EIF2B3: variants seen among roughly 807,000 people sequenced by gnomAD.
The protein encoded by EIF2B3 is eukaryotic translation initiation factor 2B subunit gamma, also known as translation initiation factor eIF2B subunit gamma.
Under a neutral mutation model 54.1 loss-of-function variants are expected in EIF2B3, and 20 were observed. The ratio of observed to expected loss-of-function variants is 0.37; its 90% CI spans 0.26 to 0.54. The LOEUF (loss-of-function observed/expected upper bound fraction) is 0.54, where lower values mean the gene tolerates loss of function less well. EIF2B3 is among the 20% of genes least tolerant of loss of function. The pLI is 0.86. For missense variants in EIF2B3, 448 were observed against 547.8 expected, an observed-to-expected ratio of 0.82 and a Z score of 1.82; for synonymous variants, 153 against 188.1, an observed-to-expected ratio of 0.81 and a Z score of 1.52.
Position 44,875,642 on chromosome 1 carries a change from T to C in EIF2B3, c.1029A>G (p.Ser343=), listed in dbSNP as rs1655099293. The C allele has an allele frequency of 6.2e-7, 1 of 1,614,078 alleles. No homozygotes were observed. Among genetic ancestry groups the C allele is most frequent in the African/African-American group, 1.3e-5 (1 of 74,932 alleles). ...LCPEEPPVHS[S]AQIVSKHLVG... ...CCAGGTGTTTGCTGACAATCTGGGC[T>C]GACGAATGGACTGGTGGTTCTTCTG... The change falls in exon 9 of 12, where the codon TCA becomes TCG. Residue 343 remains serine, a synonymous_variant. Transcript: ENST00000360403.
intron 11 of EIF2B3, among the ~76,000 whole-genome samples, chr1:44,851,557 G>T (rs1478311659): frequency 6.6e-6 from 1 of 152,116 alleles, no homozygotes; most frequent in African/African-American, 2.4e-5. Flanking sequence ...GGTCTTAAAG[G>T]GTGAATAGTT....
intron 4 of EIF2B3, among the ~76,000 whole-genome samples, chr1:44,935,201 A>G (rs995908038): frequency 1.6e-4 from 25 of 152,354 alleles, no homozygotes; most frequent in African/African-American, 6.0e-4. Context: ...TAGAGACAAT[A>G]GTCAATGATT....
intron 3 of EIF2B3, among the ~76,000 whole-genome samples, chr1:44,942,411 A>G (rs1190821478): frequency 7.7e-5 from 1 of 12,970 alleles, no homozygotes; most frequent in African/African-American, 6.1e-4. Flanking sequence ...ATATATATAT[A>G]TATATATTTT....
chr1:44,881,618 A>T lies in EIF2B3; in HGVS notation c.778T>A (p.Ser260Thr). Residue 260 changes from serine to threonine, a missense_variant, in exon 7 of 12, where the codon TCC becomes ACC. Transcript: ENST00000360403. This position sits in a 1 kb window ranked among gnomAD's most constrained non-coding sequence, Gnocchi z 4.0. ...EEDLKKKELK[S>T]LDIYSFIKEA... ...AACCAACCCAAGAACTGACCTAAGG[A>T]CTTCAGCTCCTTTTTCTTTAGATCC... is the stretch of plus-strand genomic sequence containing the variant. The T allele has an allele frequency of 1.9e-6, 3 of 1,614,080 alleles. No individual in the cohort carries two copies. Among genetic ancestry groups the T allele is most frequent in the Non-Finnish European group, 1.7e-6 (2 of 1,179,974 alleles).
At chr1:44,970,642 C>G (rs1405860868) in intron 3 of EIF2B3, among the ~76,000 whole-genome samples, 2 of 152,188 alleles carry the variant, frequency 1.3e-5, no homozygotes, top group Non-Finnish European at 2.9e-5. Context: ...CATCCCTTAG[C>G]AAACACTGAC....
chr1:44,850,569 G>A lies in EIF2B3; in HGVS notation c.*382C>T, dbSNP rs1299536030. On this transcript the variant is annotated 3_prime_UTR_variant, in exon 12 of 12. Coordinates refer to ENST00000360403, the MANE Select transcript of EIF2B3 (RefSeq NM_020365.5). ...GTCTAGAAAGGCTGATTAGGATAAGGGACTGAAGTACTCCCAGGTCCTTTT... is the reference window on the plus strand; with the variant it reads ...GTCTAGAAAGGCTGATTAGGATAAGAGACTGAAGTACTCCCAGGTCCTTTT... 3 of 296,660 alleles carry A rather than the reference G, an allele frequency of 1.0e-5. No individual in the cohort carries two copies. The East Asian group carries it at 2.5e-4, about 25-fold the overall frequency. The allele number at this position is 296,660 out of a possible 1,614,324, so 18.4% of individuals were successfully genotyped here. A position where few individuals can be genotyped will look rare whatever the true frequency, so the allele number is the denominator to read the frequency against.
intron 3 of EIF2B3, among the ~76,000 whole-genome samples, chr1:44,952,177 A>C (rs1644171311): frequency 7.2e-6 from 1 of 138,156 alleles, no homozygotes; most frequent in Non-Finnish European, 1.6e-5. Flanking sequence ...TTTAGCCAGG[A>C]TGGTCTCGAT....
At chr1:44,874,611 T>G (rs1214565118) in intron 10 of EIF2B3, 67 bp downstream of exon 10, 3 of 1,573,954 alleles carry the variant, frequency 1.9e-6, no homozygotes, top group Non-Finnish European at 2.6e-6. Context: ...AAAATTAACC[T>G]TCCTTCAGAA....
Position 44,875,682 on chromosome 1 carries a change from A to G in EIF2B3, c.989T>C (p.Leu330Pro). The G allele has an allele frequency of 1.9e-6, 3 of 1,614,222 alleles. No individual in the cohort carries two copies. Among genetic ancestry groups the G allele is most frequent in the Non-Finnish European group, 2.5e-6 (3 of 1,180,034 alleles). ...MEANRQVPKL[L>P]SALCPEEPPV... ...TGGTTCTTCTGGACAGAGAGCAGAC[A>G]GCAATTTGGGCACCTTAAGGACAGA... The change falls in exon 9 of 12, where the codon CTG becomes CCG. Residue 330 changes from leucine to proline, a missense_variant. Physicochemically the swap from Leu to Pro is moderately conservative, Grantham distance 98. Around this residue, in one of 3 missense-constraint regions of EIF2B3, gnomAD observed 350 missense variants for 414.2 expected, o/e 0.85. Transcript: ENST00000360403.
intron 3 of EIF2B3, among the ~76,000 whole-genome samples, chr1:44,962,835 T>C (rs956204161): frequency 6.6e-6 from 1 of 152,244 alleles, no homozygotes; most frequent in Non-Finnish European, 1.5e-5. Context: ...ACAAACTCTT[T>C]GTGCCAGGCC....
At chr1:44,899,879 C>T (rs879060413) in intron 5 of EIF2B3, among the ~76,000 whole-genome samples, 1 of 152,136 alleles carries the variant, frequency 6.6e-6, no homozygotes, top group Non-Finnish European at 1.5e-5. Flanking sequence ...GACAAGTGTA[C>T]TTGCATGTTC....
rs143035453 is a variant in EIF2B3 at position 44,924,777 on chromosome 1, T to C, written c.566+1851A>G. ...TAAATTCATGTTGTAATAAGTAGTT[T>C]TATGGTTATACAGTTGCATAGTTTT... On this transcript the variant is annotated intron_variant, in intron 5 of 11. Transcript: ENST00000360403. Among the ~76,000 whole-genome samples, 679 of 152,346 alleles carry C rather than the reference T, an allele frequency of 4.5e-3. 4 individuals carry two copies. Among genetic ancestry groups the C allele is most frequent in the African/African-American group, 0.016 (648 of 41,584 alleles).
chr1:44,960,307 A>G (rs974577795), intron 3 of EIF2B3, among the ~76,000 whole-genome samples: 6 of 152,158 alleles, frequency 3.9e-5, no homozygotes, highest in African/African-American at 1.4e-4. Flanking sequence ...ATAATAATAT[A>G]ACAATAAAAA....
At chr1:44,874,409 G>A in intron 10 of EIF2B3, 3 of 467,782 alleles carry the variant, frequency 6.4e-6, no homozygotes, top group Non-Finnish European at 1.2e-5. Context: ...TCTGTTCACT[G>A]TTATCCCATG....
At chr1:44,907,577 T>G (rs150155299) in intron 5 of EIF2B3, among the ~76,000 whole-genome samples, 9 of 147,590 alleles carry the variant, frequency 6.1e-5, no homozygotes, top group African/African-American at 2.0e-4. Context: ...AAAAAATGCT[T>G]TGGTAGTTGG....
chr1:44,880,833 T>C (rs1306279687), intron 7 of EIF2B3, among the ~76,000 whole-genome samples: 2 of 152,172 alleles, frequency 1.3e-5, no homozygotes, highest in East Asian at 1.9e-4. Flanking sequence ...TGGTGGCGTG[T>C]GCCTGTAGTC....
intron 11 of EIF2B3, among the ~76,000 whole-genome samples, chr1:44,855,203 A>T (rs1172411309): frequency 2.0e-5 from 3 of 151,980 alleles, no homozygotes; most frequent in Non-Finnish European, 4.4e-5. Flanking sequence ...CCAGCAGAGG[A>T]CAGAGAGAAG....
intron 3 of EIF2B3, among the ~76,000 whole-genome samples, chr1:44,968,664 C>T (rs371203538): frequency 5.9e-5 from 9 of 152,010 alleles, no homozygotes; most frequent in East Asian, 1.9e-4. Flanking sequence ...TTTGGGAGGC[C>T]GAGGCGGGCG....
intron 6 of EIF2B3, among the ~76,000 whole-genome samples, chr1:44,891,848 A>G (rs942112023): frequency 6.6e-6 from 1 of 152,182 alleles, no homozygotes; most frequent in Non-Finnish European, 1.5e-5. Context: ...AAAATAATAC[A>G]GATCATTTCA....
Sources: allele counts gnomAD v4.1 joint callset (sites outside exome capture counted in the v4.1 genomes callset), GRCh38; gene constraint gnomAD v4.1.1; regional missense constraint gnomAD v4.1.1; non-coding constraint Gnocchi (gnomAD v3.1); transcripts MANE v1.5; gene names NCBI Gene and HGNC (gene_info 2026-07-23, HGNC 2026-07-21).